TMPO: variants seen among roughly 807,000 people sequenced by gnomAD.
TMPO encodes LEM domain containing 4.
TMPO carries 22 observed loss-of-function variants against 45.4 expected under a neutral mutation model. The ratio of observed to expected loss-of-function variants is 0.48; its 90% CI spans 0.35 to 0.69. The LOEUF is 0.69. TMPO is among the 30% of genes least tolerant of loss of function. TMPO has a pLI of 0.01. For missense variants in TMPO, 512 were observed against 548.8 expected (o/e 0.93, Z 0.67); for synonymous variants, 241 against 204.1 (o/e 1.18, Z -1.54).
At chr12:98,546,512 C>T in intron 8 of TMPO, 65 bp downstream of exon 8, 1 of 1,238,636 alleles carries the variant, frequency 8.1e-7, no homozygotes, top group Non-Finnish European at 1.2e-6. Context: ...TTTAATTCTT[C>T]ATCACAAAGT....
intron 1 of TMPO, among the ~76,000 whole-genome samples, chr12:98,519,038 C>T (rs1876123601): frequency 6.8e-6 from 1 of 147,806 alleles, no homozygotes; most frequent in Non-Finnish European, 1.5e-5. Context: ...CCCGCCACCA[C>T]CCCCCAGCTA....
intron 8 of TMPO, among the ~76,000 whole-genome samples, chr12:98,546,918 T>TTTA (rs1330041315): frequency 6.6e-6 from 1 of 152,176 alleles, no homozygotes. Flanking sequence ...AAAGGCTGTG[T>TTTA]TTATGTATCT....
At chr12:98,535,703 G>A in intron 3 of TMPO, 1 of 969,670 alleles carries the variant, frequency 1.0e-6, no homozygotes, top group Non-Finnish European at 1.2e-6. Flanking sequence ...TTAAATATTT[G>A]TATATGAACA....
At chr12:98,522,204 A>G (rs962506433) in intron 1 of TMPO, among the ~76,000 whole-genome samples, 1 of 151,948 alleles carries the variant, frequency 6.6e-6, no homozygotes, top group Non-Finnish European at 1.5e-5. Flanking sequence ...TTTTATAGAG[A>G]TAGTCTCACT....
At chr12:98,531,392 A>G (rs1480600968) in intron 2 of TMPO, among the ~76,000 whole-genome samples, 1 of 151,676 alleles carries the variant, frequency 6.6e-6, no homozygotes, top group African/African-American at 2.4e-5. Context: ...GTGTGCCACC[A>G]TGCCCGGCTA....
At chr12:98,521,484 G>C (rs1179546841) in intron 1 of TMPO, among the ~76,000 whole-genome samples, 2 of 151,858 alleles carry the variant, frequency 1.3e-5, no homozygotes, top group East Asian at 3.9e-4. Flanking sequence ...GGATTCACTT[G>C]GTATAATGTG....
intron 2 of TMPO, among the ~76,000 whole-genome samples, chr12:98,528,948 G>A (rs1876985304): frequency 6.6e-6 from 1 of 151,930 alleles, no homozygotes; most frequent in Non-Finnish European, 1.5e-5. Context: ...GGGCAGTGGA[G>A]CAAGACCCTG....
intron 4 of TMPO, among the ~76,000 whole-genome samples, chr12:98,542,805 T>C (rs914367934): frequency 7.2e-5 from 11 of 151,976 alleles, no homozygotes; most frequent in Non-Finnish European, 5.9e-5. Flanking sequence ...TTGCGGTGAG[T>C]GGAGATTGCA....
At chr12:98,539,738 T>G (rs946062684) in intron 4 of TMPO, among the ~76,000 whole-genome samples, 1 of 152,214 alleles carries the variant, frequency 6.6e-6, no homozygotes, top group Non-Finnish European at 1.5e-5. Flanking sequence ...CCTCCCAGAT[T>G]GCTGGGATTA....
chr12:98,534,559 C>T (rs550891390), intron 3 of TMPO: 37 of 1,341,496 alleles, frequency 2.8e-5, no homozygotes, highest in Admixed American at 9.6e-5. Context: ...AACAATTTAA[C>T]GCTTTCTAGA....
intron 4 of TMPO, among the ~76,000 whole-genome samples, chr12:98,539,542 G>A (rs1013378065): frequency 1.4e-5 from 2 of 143,872 alleles, no homozygotes; most frequent in Non-Finnish European, 3.0e-5. Context: ...GCACAATCTC[G>A]GCTCACTTGC....
chr12:98,518,759 G>A (rs889354912), intron 1 of TMPO, among the ~76,000 whole-genome samples: 3 of 151,996 alleles, frequency 2.0e-5, no homozygotes, highest in Non-Finnish European at 4.4e-5. Flanking sequence ...CCTACCAAGT[G>A]TTCTTAACTA....
At chr12:98,540,413 A>T (rs953641527) in intron 4 of TMPO, among the ~76,000 whole-genome samples, 2 of 151,884 alleles carry the variant, frequency 1.3e-5, no homozygotes, top group African/African-American at 4.8e-5. Flanking sequence ...TTTGAGATGG[A>T]GTTTCATTCT....
intron 1 of TMPO, among the ~76,000 whole-genome samples, chr12:98,522,164 G>A (rs146128891): frequency 1.3e-3 from 191 of 152,208 alleles, no homozygotes; most frequent in Non-Finnish European, 2.2e-3. Context: ...CTACAGGTGT[G>A]TGCCACCATG....
At chr12:98,524,787 T>C (rs1436156073) in intron 1 of TMPO, among the ~76,000 whole-genome samples, 2 of 151,760 alleles carry the variant, frequency 1.3e-5, no homozygotes, top group African/African-American at 2.4e-5. Flanking sequence ...AGAGACGGGG[T>C]TTCACCGTGT....
intron 1 of TMPO, among the ~76,000 whole-genome samples, chr12:98,522,182 G>T (rs879307833): frequency 6.6e-6 from 1 of 152,092 alleles, no homozygotes; most frequent in Non-Finnish European, 1.5e-5. Flanking sequence ...ATGCCTAGCT[G>T]ATTTTTAAAA....
intron 3 of TMPO, chr12:98,534,127 G>T: frequency 6.2e-7 from 1 of 1,613,844 alleles, no homozygotes; most frequent in Non-Finnish European, 8.5e-7. Context: ...AACATATGAT[G>T]CAGCCTCATA....
chr12:98,541,592 CTG>C (rs1334852956), intron 4 of TMPO, among the ~76,000 whole-genome samples: 2 of 152,202 alleles, frequency 1.3e-5, no homozygotes, highest in Non-Finnish European at 2.9e-5. Context: ...TGTCAAAACA[CTG>C]TGCTTAAAGT....
chr12:98,528,033 A>G, intron 2 of TMPO, 21 bp downstream of exon 2: 1 of 1,613,624 alleles, frequency 6.2e-7, no homozygotes, highest in East Asian at 2.2e-5. Context: ...AAAATTTCAA[A>G]TACAGTATCT....
Sources: allele counts gnomAD v4.1 joint callset (sites outside exome capture counted in the v4.1 genomes callset), GRCh38; gene constraint gnomAD v4.1.1; transcripts MANE v1.5; gene names NCBI Gene and HGNC (gene_info 2026-07-23, HGNC 2026-07-21).